Variants in ZNF490 observed in about 807,000 individuals in gnomAD.
ZNF490 encodes zinc finger protein 490.
Under a neutral mutation model 17.7 loss-of-function variants are expected in ZNF490, and 11 were observed. That is an observed-to-expected ratio of 0.62 (90% confidence interval 0.39 to 1.03). The LOEUF is 1.03. Among genes scored for constraint, ZNF490 ranks in the 50% least tolerant of loss-of-function variants. The pLI is 0.00. For synonymous variants in ZNF490, 222 were observed against 216.1 expected, an observed-to-expected ratio of 1.03 and a Z score of -0.24; for missense variants, 542 against 643.4, an observed-to-expected ratio of 0.84 and a Z score of 1.71.
chr19:12,598,137 T>C (rs1489054212), intron 2 of ZNF490, among the ~76,000 whole-genome samples: 1 of 151,452 alleles, frequency 6.6e-6, no homozygotes, highest in African/African-American at 2.4e-5. Context: ...GGCAGGAGAA[T>C]CACTTGAACC....
intron 4 of ZNF490, among the ~76,000 whole-genome samples, chr19:12,581,947 G>A (rs928842146): frequency 2.0e-5 from 3 of 152,044 alleles, no homozygotes; most frequent in Non-Finnish European, 2.9e-5. Context: ...TTTTTGAGAC[G>A]GAGTCTCTCT....
At chr19:12,598,238 T>TA (rs1035450605) in intron 2 of ZNF490, among the ~76,000 whole-genome samples, 13 of 104,546 alleles carry the variant, frequency 1.2e-4, no homozygotes, top group East Asian at 8.1e-4. Flanking sequence ...AAACAACAAT[T>TA]AAAAAAAATA....
At position 12,610,801 on chromosome 19, in the gene ZNF490, G is replaced by A. The variant is rs2023141625; in HGVS notation, c.-121C>T. On this transcript the variant is annotated 5_prime_UTR_variant, in exon 1 of 5. Coordinates refer to ENST00000311437, the MANE Select transcript of ZNF490 (RefSeq NM_020714.3). ...CACCAGTTCCGTCCCACCGGCGGAA[G>A]CGAGATCTGCCTAGCTACTAGACCT... 16 of 1,034,382 alleles carry A rather than the reference G, an allele frequency of 1.5e-5. No homozygotes were observed. In the South Asian group the frequency reaches 2.0e-4, roughly 13 times the overall value. The allele number at this position is 1,034,382 out of a possible 1,614,324, so 64.1% of individuals were successfully genotyped here.
At chr19:12,582,151 TC>T (rs1391974763) in intron 4 of ZNF490, among the ~76,000 whole-genome samples, 1 of 152,146 alleles carries the variant, frequency 6.6e-6, no homozygotes, top group African/African-American at 2.4e-5. Flanking sequence ...TCCGCTCGCC[TC>T]AGCCTCCCAA....
At chr19:12,594,564 G>C (rs528505958) in intron 2 of ZNF490, among the ~76,000 whole-genome samples, 2 of 152,204 alleles carry the variant, frequency 1.3e-5, no homozygotes, top group Admixed American at 1.3e-4. Context: ...ACAGTGTCTA[G>C]AGCCTCTGTG....
intron 2 of ZNF490, among the ~76,000 whole-genome samples, chr19:12,602,337 A>G (rs2023018527): frequency 1.3e-5 from 2 of 152,178 alleles, no homozygotes; most frequent in Non-Finnish European, 1.5e-5. Flanking sequence ...ACCTGAGGTC[A>G]GGAACTTGAG....
chr19:12,592,126 A>T (rs1220964158), intron 2 of ZNF490, among the ~76,000 whole-genome samples: 1 of 152,238 alleles, frequency 6.6e-6, no homozygotes, highest in Non-Finnish European at 1.5e-5. Flanking sequence ...CCATGAGGTC[A>T]GGAGATCGAG....
chr19:12,606,841 T>G (rs1329260366), intron 2 of ZNF490, among the ~76,000 whole-genome samples: 1 of 152,232 alleles, frequency 6.6e-6, no homozygotes, highest in Non-Finnish European at 1.5e-5. Flanking sequence ...AACAGCTTTG[T>G]GTTTTACTAA....
At chr19:12,585,279 C>T (rs111847002) in intron 2 of ZNF490, among the ~76,000 whole-genome samples, 3,170 of 93,366 alleles carry the variant, frequency 0.034, 949 homozygotes, top group African/African-American at 0.097. Context: ...GGGTGGCTCA[C>T]GCCTATAATC....
At chr19:12,609,843 GA>G in intron 1 of ZNF490, 1 of 428,040 alleles carries the variant, frequency 2.3e-6, no homozygotes, top group Non-Finnish European at 4.6e-6. Flanking sequence ...GTTGGACAGA[GA>G]GGGGGGATGA....
At chr19:12,583,314 C>T in intron 3 of ZNF490, 116 bp downstream of exon 3, 3 of 1,258,506 alleles carry the variant, frequency 2.4e-6, no homozygotes, top group South Asian at 1.6e-5. Context: ...ACTGGGATTA[C>T]AGGCGCGAGC....
chr19:12,608,916 T>A (rs2023105641), intron 2 of ZNF490, among the ~76,000 whole-genome samples: 2 of 152,010 alleles, frequency 1.3e-5, no homozygotes, highest in Admixed American at 1.3e-4. Context: ...AGCCCAAATG[T>A]GATATTCCAA....
At chr19:12,596,121 C>T (rs1347520399) in intron 2 of ZNF490, among the ~76,000 whole-genome samples, 3 of 151,156 alleles carry the variant, frequency 2.0e-5, no homozygotes, top group Non-Finnish European at 4.4e-5. Context: ...AAAAATGGGC[C>T]GGGTGTGGTG....
rs754125002 is a variant in ZNF490, at chr19:12,581,479, C to T, written c.596G>A (p.Cys199Tyr). 1 of 1,614,228 alleles carries T rather than the reference C, an allele frequency of 6.2e-7. No individual in the cohort carries two copies. Among genetic ancestry groups the T allele is most frequent in the Non-Finnish European group, 8.5e-7 (1 of 1,180,042 alleles). The change falls in exon 5 of 5, where the codon TGT becomes TAT. Residue 199 changes from cysteine to tyrosine, a missense_variant. Physicochemically the swap from Cys to Tyr is radical, Grantham distance 194. Coordinates refer to ENST00000311437, the MANE Select transcript of ZNF490 (RefSeq NM_020714.3). ...GGAGCTGCGAGTGAAGGTTTTCCCA[C>T]ATTCTTTGCATTTATGTGGCTTCTC... ...YGEKPHKCKE[C>Y]GKTFTRSSSI...
intron 1 of ZNF490, among the ~76,000 whole-genome samples, chr19:12,609,517 G>A (rs1483103456): frequency 6.6e-6 from 1 of 151,884 alleles, no homozygotes; most frequent in African/African-American, 2.4e-5. Context: ...CTCCGAAGGA[G>A]CTAGGACTAC....
chr19:12,607,889 G>A (rs914914535), intron 2 of ZNF490, among the ~76,000 whole-genome samples: 2 of 152,144 alleles, frequency 1.3e-5, no homozygotes, highest in Non-Finnish European at 2.9e-5. Context: ...ATACCAGCAT[G>A]CTGAACTTAA....
intron 2 of ZNF490, among the ~76,000 whole-genome samples, chr19:12,583,811 A>ATTT (rs879747918): frequency 1.9e-3 from 148 of 78,648 alleles, no homozygotes; most frequent in Non-Finnish European, 2.9e-3. Flanking sequence ...ATATATATAT[A>ATTT]TTTTTTTTTT....
rs1202984254 is a variant in ZNF490 at position 12,576,331 on chromosome 19, C to T, written c.*4154G>A. On this transcript the variant is annotated 3_prime_UTR_variant, in exon 5 of 5. Transcript: ENST00000311437. The stretch of plus-strand genomic sequence containing the variant: ...GACCATCCTGGCCAACATGGTGAAA[C>T]CCCGTCTCTACTAAAAATAAAAAAA... 6.6e-6 allele frequency among the ~76,000 whole-genome samples: 1 copy of T among 151,956 alleles called. No homozygotes were observed. The highest frequency in any genetic ancestry group is 2.4e-5 in the African/African-American group (1 of 41,332).
chr19:12,585,472 T>C (rs1279048451), intron 2 of ZNF490, among the ~76,000 whole-genome samples: 2 of 92,984 alleles, frequency 2.2e-5, no homozygotes, highest in Admixed American at 2.0e-4. Flanking sequence ...CCAGTAGTCA[T>C]TTATTTACAA....
Sources: allele counts gnomAD v4.1 joint callset (sites outside exome capture counted in the v4.1 genomes callset), GRCh38; gene constraint gnomAD v4.1.1; transcripts MANE v1.5; gene names NCBI Gene and HGNC (gene_info 2026-07-23, HGNC 2026-07-21).